The following LYST variants were observed in gnomAD, a reference collection of about 807,000 sequenced individuals.
LYST encodes the protein lysosomal trafficking regulator.
Under a neutral mutation model 413.6 loss-of-function variants are expected in LYST, and 192 were observed. That is an observed-to-expected ratio of 0.46 (90% CI 0.41 to 0.52). LYST has a LOEUF of 0.52. LYST is among the 20% of genes least tolerant of loss of function. The probability of loss-of-function intolerance (pLI) is 0.00; values close to 1 mark genes in which losing one functional copy is unlikely to be tolerated. For synonymous variants in LYST, 1,525 were observed against 1,567.3 expected (o/e 0.97, Z 0.64); for missense variants, 3,815 against 4,499.9 (o/e 0.85, Z 4.35).
Position 235,686,846 on chromosome 1 carries a change from A to G in LYST, c.10800+103T>C. On this transcript the variant is annotated intron_variant, in intron 48 of 52. Transcript: ENST00000389793. This position sits in a 1 kb window ranked among gnomAD's most constrained non-coding sequence, Gnocchi z 4.0. ...ATGTAGGGAGAAGATTAAGGTATAAACATTTTAAGTTAATCTTATGCAAAG... is the reference window on the plus strand; with the variant it reads ...ATGTAGGGAGAAGATTAAGGTATAAGCATTTTAAGTTAATCTTATGCAAAG... 1.1e-6 allele frequency: 1 copy of G among 881,372 alleles called. No homozygotes were observed. The highest frequency in any genetic ancestry group is 1.9e-6 in the Non-Finnish European group (1 of 513,504). The allele number at this position is 881,372 out of a possible 1,614,324, so 54.6% of individuals were successfully genotyped here. A position where few individuals can be genotyped will look rare whatever the true frequency, so the allele number is the denominator to read the frequency against.
chr1:235,792,594 C>A (rs867783828), intron 11 of LYST, among the ~76,000 whole-genome samples: 2 of 149,794 alleles, frequency 1.3e-5, no homozygotes, highest in Admixed American at 1.3e-4. Context: ...GGATTACAGG[C>A]GTGAGTCACC....
intron 1 of LYST, among the ~76,000 whole-genome samples, chr1:235,836,506 G>A (rs1340359786): frequency 6.6e-6 from 1 of 152,212 alleles, no homozygotes; most frequent in Non-Finnish European, 1.5e-5. Context: ...AATGGACCAT[G>A]TGGGTATCTG....
At chr1:235,671,914 A>C (rs1436479677) in intron 50 of LYST, among the ~76,000 whole-genome samples, 1 of 152,242 alleles carries the variant, frequency 6.6e-6, no homozygotes, top group Non-Finnish European at 1.5e-5. Context: ...CAGTTAGGTT[A>C]TTATAGTGTT....
At chr1:235,859,226 A>G (rs1435588086) in intron 1 of LYST, among the ~76,000 whole-genome samples, 1 of 151,820 alleles carries the variant, frequency 6.6e-6, no homozygotes, top group Non-Finnish European at 1.5e-5. Flanking sequence ...CCTGGACCTG[A>G]CTCTTCCATT....
intron 34 of LYST, 39 bp downstream of exon 34, chr1:235,733,464 T>G: frequency 1.9e-6 from 3 of 1,563,432 alleles, no homozygotes; most frequent in Non-Finnish European, 2.6e-6. Context: ...ATCTTAAATC[T>G]TCATGGAAGA....
intron 25 of LYST, 85 bp downstream of exon 25, chr1:235,755,393 G>GAAAAT: frequency 2.6e-6 from 1 of 388,508 alleles, no homozygotes; most frequent in East Asian, 3.1e-5. Flanking sequence ...CGTCTCAAAA[G>GAAAAT]AAAAGAAAAG....
At chr1:235,799,928 C>CTTTTTTTTTTTTTTTT (rs67988872) in intron 10 of LYST, among the ~76,000 whole-genome samples, 1 of 63,504 alleles carries the variant, frequency 1.6e-5, no homozygotes, top group African/African-American at 6.7e-5. Flanking sequence ...CAATGGAAGC[C>CTTTTTTTTTTTTTTTT]TTTTTTTTTT....
At chr1:235,702,253 A>G (rs1364858643) in intron 45 of LYST, among the ~76,000 whole-genome samples, 11 of 152,184 alleles carry the variant, frequency 7.2e-5, no homozygotes, top group African/African-American at 2.7e-4. Flanking sequence ...TTTGGAGGCA[A>G]TACTTCTTAT....
chr1:235,867,367 T>C (rs878965220), upstream of LYST, among the ~76,000 whole-genome samples: 1 of 151,096 alleles, frequency 6.6e-6, no homozygotes, highest in Non-Finnish European at 1.5e-5. Flanking sequence ...ATAGAAGAAA[T>C]AACGGGAAGG....
At chr1:235,677,414 T>C in intron 49 of LYST, 66 bp downstream of exon 49, 2 of 1,515,982 alleles carry the variant, frequency 1.3e-6, no homozygotes, top group Non-Finnish European at 1.8e-6. Context: ...TTGGTTTATC[T>C]ATTTCATATA....
upstream of LYST, among the ~76,000 whole-genome samples, chr1:235,867,136 C>T (rs1358537738): frequency 6.6e-6 from 1 of 152,208 alleles, no homozygotes; most frequent in African/African-American, 2.4e-5. Flanking sequence ...GGGGGCGGGC[C>T]GACCCGCGGG....
At position 235,778,121 on chromosome 1, in the gene LYST, A is replaced by T. The variant is rs184772418; in HGVS notation, c.5215-813T>A. 5.4e-3 allele frequency among the ~76,000 whole-genome samples: 789 copies of T among 145,278 alleles called. 17 individuals carry two copies. The East Asian group carries it at 0.082, about 15-fold the overall frequency. ...TAAATATATATATATATATATATAT[A>T]TTTTTGTAGAGACATGGTCTTGTTA... On this transcript the variant is annotated intron_variant, in intron 16 of 52. Coordinates refer to ENST00000389793, the MANE Select transcript of LYST (RefSeq NM_000081.4).
chr1:235,816,304 G>C (rs1674073491), intron 3 of LYST, among the ~76,000 whole-genome samples: 1 of 150,888 alleles, frequency 6.6e-6, no homozygotes, highest in Non-Finnish European at 1.5e-5. Flanking sequence ...AGCCAGGCAT[G>C]ATGCCATGTG....
intron 47 of LYST, among the ~76,000 whole-genome samples, chr1:235,690,484 T>C (rs1303610747): frequency 1.3e-5 from 2 of 152,224 alleles, no homozygotes; most frequent in Non-Finnish European, 2.9e-5. Context: ...ACAAAGGCTC[T>C]GGTTAATGCA....
At chr1:235,697,847 G>C (rs1327611482) in intron 45 of LYST, among the ~76,000 whole-genome samples, 2 of 152,144 alleles carry the variant, frequency 1.3e-5, no homozygotes, top group African/African-American at 2.4e-5. Flanking sequence ...GCCAGTACTA[G>C]AGAAGAAAAG....
intron 47 of LYST, 86 bp from the exon 48 acceptor site, chr1:235,687,133 A>C (rs1379750252): frequency 2.1e-6 from 2 of 946,998 alleles, no homozygotes; most frequent in Non-Finnish European, 3.3e-6. Context: ...AGAATGAAAA[A>C]TACTTCTACT....
At chr1:235,764,495 CTTTT>C (rs1020736833) in intron 21 of LYST, among the ~76,000 whole-genome samples, 17 of 97,946 alleles carry the variant, frequency 1.7e-4, no homozygotes, top group Non-Finnish European at 3.1e-4. Flanking sequence ...TTTTTCTTTT[CTTTT>C]TTTTTTTTTT....
chr1:235,827,504 C>T, intron 3 of LYST: 7 of 980,644 alleles, frequency 7.1e-6, no homozygotes, highest in Non-Finnish European at 8.5e-6. Context: ...CCTCCTAAAA[C>T]ATACAACTAT....
intron 1 of LYST, among the ~76,000 whole-genome samples, chr1:235,834,264 T>C (rs1241093422): frequency 1.3e-5 from 2 of 152,248 alleles, no homozygotes; most frequent in Non-Finnish European, 2.9e-5. Flanking sequence ...AGGATATTTC[T>C]CTTTAGTTAC....
Sources: gnomAD v4.1 joint callset for allele counts (sites outside exome capture counted in the v4.1 genomes callset) on GRCh38, gnomAD v4.1.1 for gene constraint, Gnocchi (gnomAD v3.1) non-coding constraint, MANE v1.5 for transcripts, NCBI Gene and HGNC (gene_info 2026-07-23, HGNC 2026-07-21) for gene names.